BEST3: variants seen among roughly 807,000 people sequenced by gnomAD.
The protein encoded by BEST3 is bestrophin-3.
Under a neutral mutation model 47.1 loss-of-function variants are expected in BEST3, and 50 were observed. The ratio of observed to expected loss-of-function variants is 1.06; its 90% CI spans 0.85 to 1.34. The LOEUF (loss-of-function observed/expected upper bound fraction) is 1.34. Ranked by LOEUF, BEST3 falls within the 40% of genes most tolerant of loss-of-function variation. The pLI is 0.00. For synonymous variants in BEST3, 282 were observed against 298.8 expected, an observed-to-expected ratio of 0.94 and a Z score of 0.58; for missense variants, 765 against 817.0, an observed-to-expected ratio of 0.94 and a Z score of 0.78.
chr12:69,661,410 GATTTAT>G (rs1883864048), intron 9 of BEST3: 1 of 152,196 alleles, frequency 6.6e-6, no homozygotes, highest in Admixed American at 6.5e-5. Context: ...TCTCACTGCA[GATTTAT>G]TGTTTTCAAA....
chr12:69,696,896 A>T (rs979387927), intron 2 of BEST3, among the ~76,000 whole-genome samples: 2 of 152,114 alleles, frequency 1.3e-5, no homozygotes, highest in African/African-American at 4.8e-5. Context: ...CAATTTTAAT[A>T]AAAAAAGCTT....
intron 9 of BEST3, among the ~76,000 whole-genome samples, chr12:69,659,700 A>C (rs1261862178): frequency 3.4e-5 from 3 of 87,640 alleles, no homozygotes; most frequent in Non-Finnish European, 6.7e-5. Flanking sequence ...CTGGAGTATA[A>C]ATTTTAGTTT....
At chr12:69,668,790 A>G (rs1884386967) in intron 9 of BEST3, among the ~76,000 whole-genome samples, 1 of 152,216 alleles carries the variant, frequency 6.6e-6, no homozygotes, top group Non-Finnish European at 1.5e-5. Context: ...TTAGCTCAGA[A>G]ATGGATATGT....
At chr12:69,651,269 C>G (rs1017612071), downstream of BEST3, among the ~76,000 whole-genome samples, 4 of 152,220 alleles carry the variant, frequency 2.6e-5, no homozygotes, top group Admixed American at 2.0e-4. Flanking sequence ...CCAGCCTCCT[C>G]TCACGATGCC....
In BEST3 at chr12:69,655,136, G is replaced by A. The variant is rs568860338; in HGVS notation, c.1778C>T (p.Pro593Leu). The change falls in exon 10 of 10, where the codon CCG (proline) becomes CTG (leucine). Residue 593 changes from proline to leucine, a missense_variant. Physicochemically the swap from Pro to Leu is moderately conservative, Grantham distance 98. Coordinates refer to ENST00000330891, the MANE Select transcript of BEST3 (RefSeq NM_032735.3). ...GDTFLKRWSL[P>L]GFLGSSHTSL... ...AGTGTGGCTGGACCCCAGGAATCCCGGAAGACTCCACCTTTTTAGAAAGGT... is the reference window on the plus strand; with the variant it reads ...AGTGTGGCTGGACCCCAGGAATCCCAGAAGACTCCACCTTTTTAGAAAGGT... The A allele has an allele frequency of 2.4e-5, 38 of 1,614,068 alleles. No homozygotes were observed. Among genetic ancestry groups the A allele is most frequent in the East Asian group, 1.8e-4 (8 of 44,866 alleles).
intron 9 of BEST3, among the ~76,000 whole-genome samples, chr12:69,656,767 C>T (rs1404823668): frequency 6.6e-6 from 1 of 152,110 alleles, no homozygotes; most frequent in African/African-American, 2.4e-5. Context: ...TGGCTCCAAG[C>T]CCTTGCTCCT....
At chr12:69,684,607 T>C (rs11177791) in intron 4 of BEST3, 82,847 of 669,004 alleles carry the variant, frequency 0.12, 6,411 homozygotes, top group Non-Finnish European at 0.17. Context: ...TGCCAGTTCT[T>C]TCTGAAAGAG....
chr12:69,654,107 T>C lies in BEST3; in HGVS notation c.*800A>G. 1 of 985,438 alleles carries C rather than the reference T, an allele frequency of 1.0e-6. No individual in the cohort carries two copies. Among genetic ancestry groups the C allele is most frequent in the Non-Finnish European group, 1.2e-6 (1 of 829,936 alleles). The allele number at this position is 985,438 out of a possible 1,614,324, so 61.0% of individuals were successfully genotyped here. ...CTGGAAGGGTATCAGGCTGGATTTG[T>C]TGACACCTTTGATGATTCTGTAGGA... is the stretch of plus-strand genomic sequence containing the variant. On this transcript the variant is annotated 3_prime_UTR_variant, in exon 10 of 10. Coordinates refer to ENST00000330891, the MANE Select transcript of BEST3 (RefSeq NM_032735.3).
chr12:69,670,706 C>A, intron 9 of BEST3: 1 of 471,224 alleles, frequency 2.1e-6, no homozygotes, highest in Non-Finnish European at 3.8e-6. Context: ...CTATGAGCCA[C>A]AGTCTTGCCA....
Position 69,655,141 on chromosome 12 carries a change from A to T in BEST3, c.1773T>A (p.Ser591Arg). The change falls in exon 10 of 10, where the codon AGT (serine) becomes AGA (arginine). Residue 591 changes from serine to arginine, a missense_variant. Transcript: ENST00000330891. ...DPGDTFLKRW[S>R]LPGFLGSSHT... ...GGCTGGACCCCAGGAATCCCGGAAGACTCCACCTTTTTAGAAAGGTATCAC... is the reference window on the plus strand; with the variant it reads ...GGCTGGACCCCAGGAATCCCGGAAGTCTCCACCTTTTTAGAAAGGTATCAC... 2.5e-6 allele frequency: 4 copies of T among 1,613,892 alleles called. No individual in the cohort carries two copies. The highest frequency in any genetic ancestry group is 3.4e-6 in the Non-Finnish European group (4 of 1,179,956).
Position 69,671,414 on chromosome 12 carries a change from A to G in BEST3, c.1100+14T>C, listed in dbSNP as rs373754604. On this transcript the variant is annotated intron_variant, in intron 9 of 9. Transcript: ENST00000330891. The stretch of plus-strand genomic sequence containing the variant: ...GGCTGGAAAATATTAGAGATTTTTT[A>G]AAAATGCACTTACCCCATCTGGACT... 4.4e-6 allele frequency: 7 copies of G among 1,595,064 alleles called. No individual in the cohort carries two copies. Among genetic ancestry groups the G allele is most frequent in the Non-Finnish European group, 5.1e-6 (6 of 1,170,592 alleles).
rs765591081 is a variant in BEST3, at chr12:69,678,931, T to C, written c.482-38A>G. 30 of 1,524,352 alleles carry C rather than the reference T, an allele frequency of 2.0e-5. No individual in the cohort carries two copies. In the Admixed American group the frequency reaches 4.1e-4, roughly 21 times the overall value. The allele number at this position is 1,524,352 out of a possible 1,614,324, so 94.4% of individuals were successfully genotyped here. On this transcript the variant is annotated intron_variant, in intron 4 of 9. Coordinates refer to ENST00000330891, the MANE Select transcript of BEST3 (RefSeq NM_032735.3). ...ATAAAAATCGGTAGGTATACAGACT[T>C]AGTTTGACACTAATACGTTACCATA... is the stretch of plus-strand genomic sequence containing the variant.
chr12:69,697,917 G>T, intron 1 of BEST3, 104 bp from the exon 2 acceptor site: 1 of 837,594 alleles, frequency 1.2e-6, no homozygotes, highest in Non-Finnish European at 1.8e-6. Flanking sequence ...CAACTAGTCA[G>T]CCATATCTCT....
intron 5 of BEST3, 73 bp downstream of exon 5, chr12:69,678,666 T>C (rs1339939118): frequency 2.8e-6 from 4 of 1,431,360 alleles, no homozygotes; most frequent in East Asian, 2.3e-5. Context: ...CTCTTCCTGG[T>C]CTAACGTGTT....
intron 9 of BEST3, among the ~76,000 whole-genome samples, chr12:69,667,550 C>G (rs1345200479): frequency 1.3e-5 from 2 of 152,192 alleles, no homozygotes; most frequent in Non-Finnish European, 1.5e-5. Context: ...CCTGCCTCAG[C>G]CTCCCAAAGT....
chr12:69,644,163 C>CT (rs1882961627), intron 9 of BEST3, among the ~76,000 whole-genome samples: 1 of 152,190 alleles, frequency 6.6e-6, no homozygotes, highest in Admixed American at 6.5e-5. Flanking sequence ...GGGCTATATC[C>CT]TTCAGGGAAG....
chr12:69,682,799 C>T (rs927034958), intron 4 of BEST3, among the ~76,000 whole-genome samples: 5 of 152,130 alleles, frequency 3.3e-5, no homozygotes, highest in African/African-American at 9.7e-5. Flanking sequence ...TGGTCTTGAA[C>T]TTCCTGGGCT....
chr12:69,659,564 G>A (rs1453550700), intron 9 of BEST3, among the ~76,000 whole-genome samples: 2 of 152,076 alleles, frequency 1.3e-5, no homozygotes, highest in Admixed American at 1.3e-4. Context: ...TGTTGCCCAG[G>A]CTGGTCTTGA....
intron 4 of BEST3, among the ~76,000 whole-genome samples, chr12:69,687,720 C>A (rs1885711396): frequency 6.7e-6 from 1 of 149,842 alleles, no homozygotes; most frequent in South Asian, 2.1e-4. Flanking sequence ...TGTTTTTTTC[C>A]TCAGAGGTTA....
Sources: gnomAD v4.1 joint callset for allele counts (sites outside exome capture counted in the v4.1 genomes callset) on GRCh38, gnomAD v4.1.1 for gene constraint, MANE v1.5 for transcripts, NCBI Gene and HGNC (gene_info 2026-07-23, HGNC 2026-07-21) for gene names.